SRPK2: variants seen among roughly 807,000 people sequenced by gnomAD.
SRPK2 encodes the protein SRSF protein kinase 2, also known as SFRS protein kinase 2.
A neutral mutation model predicts 90.8 loss-of-function variants in SRPK2; 21 were observed. That is an observed-to-expected ratio of 0.23 (90% CI 0.16 to 0.33). SRPK2 has a LOEUF of 0.33. SRPK2 is among the 10% of genes least tolerant of loss of function. The probability of loss-of-function intolerance (pLI) is 1.00; values close to 1 mark genes in which losing one functional copy is unlikely to be tolerated. For synonymous variants in SRPK2, 288 were observed against 311.1 expected (o/e 0.93, Z 0.78); for missense variants, 620 against 869.0 (o/e 0.71, Z 3.60).
chr7:105,115,424 C>CTAGA (rs1358333492), downstream of SRPK2: 2 of 152,196 alleles, frequency 1.3e-5, no homozygotes, highest in African/African-American at 4.8e-5. Flanking sequence ...CTGCCAACTT[C>CTAGA]TAGATAGCCA....
At chr7:105,374,435 T>TC (rs1820059814) in intron 2 of SRPK2, among the ~76,000 whole-genome samples, 2 of 152,168 alleles carry the variant, frequency 1.3e-5, no homozygotes, top group Admixed American at 6.6e-5. Context: ...TTTGCAGGAT[T>TC]CCACCTAGTC....
chr7:105,296,236 GAC>G (rs1468338243), intron 2 of SRPK2, among the ~76,000 whole-genome samples: 2 of 152,074 alleles, frequency 1.3e-5, no homozygotes, highest in South Asian at 4.1e-4. Context: ...CTCTATAAAA[GAC>G]ACACAATTTT....
downstream of SRPK2, chr7:105,115,305 TA>T (rs1400950497): frequency 6.6e-6 from 1 of 152,204 alleles, no homozygotes; most frequent in Non-Finnish European, 1.5e-5. Context: ...ACTAGTTATG[TA>T]TGGTCCAGGT....
intron 7 of SRPK2, among the ~76,000 whole-genome samples, chr7:105,155,014 A>G (rs1806291213): frequency 6.9e-6 from 1 of 145,604 alleles, no homozygotes; most frequent in South Asian, 2.2e-4. Context: ...GAATTTCGCT[A>G]TTGTCACCCA....
chr7:105,186,279 G>C (rs1793567529), intron 3 of SRPK2, among the ~76,000 whole-genome samples: 1 of 151,964 alleles, frequency 6.6e-6, no homozygotes, highest in African/African-American at 2.4e-5. Flanking sequence ...TTGGGCTTCC[G>C]GTATACCCAT....
At chr7:105,392,630 C>T (rs1161847922), upstream of SRPK2, among the ~76,000 whole-genome samples, 1 of 151,944 alleles carries the variant, frequency 6.6e-6, no homozygotes, top group Non-Finnish European at 1.5e-5. Flanking sequence ...TTTCCCACCT[C>T]AGCCTCCCAA....
At chr7:105,160,709 C>CT in intron 6 of SRPK2, 96 bp from the exon 7 acceptor site, 1 of 662,414 alleles carries the variant, frequency 1.5e-6, no homozygotes, top group Non-Finnish European at 2.7e-6. Flanking sequence ...GCACTTATTA[C>CT]TTTATAAAAT....
upstream of SRPK2, chr7:105,389,294 C>T (rs957914223): frequency 6.3e-6 from 8 of 1,278,550 alleles, no homozygotes; most frequent in Non-Finnish European, 8.1e-6. Flanking sequence ...TTGGCCGGCG[C>T]CTCCGCGGGT....
intron 7 of SRPK2, among the ~76,000 whole-genome samples, chr7:105,159,464 A>ACAAAAAAAAAAAAAAAAAAAAAAC (rs1230460659): frequency 6.4e-5 from 9 of 141,676 alleles, no homozygotes; most frequent in African/African-American, 2.6e-4. Context: ...AAAAAAAAAA[A>ACAAAAAAAAAAAAAAAAAAAAAAC]AAAAAAAAAC....
chr7:105,220,924 A>G (rs1798019860), intron 2 of SRPK2, among the ~76,000 whole-genome samples: 1 of 152,216 alleles, frequency 6.6e-6, no homozygotes, highest in Non-Finnish European at 1.5e-5. Context: ...AGAGCTATAC[A>G]ATAATTTTTT....
intron 2 of SRPK2, among the ~76,000 whole-genome samples, chr7:105,253,904 C>A (rs1165579346): frequency 1.8e-4 from 9 of 49,818 alleles, no homozygotes; most frequent in Non-Finnish European, 4.0e-4. Flanking sequence ...TAAAAAAAAA[C>A]AAACAAACAA....
At position 105,195,699 on chromosome 7, in the gene SRPK2, A is replaced by G. The variant is rs190590274; in HGVS notation, c.229+7929T>C. Among the ~76,000 whole-genome samples, 41 of 152,332 alleles carry G rather than the reference A, an allele frequency of 2.7e-4. No homozygotes were observed. In the Middle Eastern group the frequency reaches 0.01, roughly 38 times the overall value. On this transcript the variant is annotated intron_variant, in intron 3 of 15. Coordinates refer to ENST00000393651, the MANE Select transcript of SRPK2 (RefSeq NM_182692.3). ...CTGACAAAGTCCCTTTCAGTTTTTT[A>G]TAACATCTTTTCTGAGTCCTCTATT...
intron 2 of SRPK2, among the ~76,000 whole-genome samples, chr7:105,232,458 T>TAAAA (rs10533429): frequency 1.5e-5 from 2 of 132,100 alleles, no homozygotes; most frequent in Non-Finnish European, 1.6e-5. Flanking sequence ...AAACCTTATC[T>TAAAA]AAAAAAAAAA....
intron 13 of SRPK2, among the ~76,000 whole-genome samples, chr7:105,132,361 AC>A (rs1279472171): frequency 6.6e-6 from 1 of 152,248 alleles, no homozygotes; most frequent in East Asian, 1.9e-4. Context: ...GCAGAGGCTT[AC>A]CTGGAGGGGC....
chr7:105,340,128 C>G (rs1815577020), intron 2 of SRPK2, among the ~76,000 whole-genome samples: 1 of 150,576 alleles, frequency 6.6e-6, no homozygotes, highest in Admixed American at 6.6e-5. Flanking sequence ...GCTTCATCAT[C>G]ATTTTTTAAG....
intron 2 of SRPK2, among the ~76,000 whole-genome samples, chr7:105,386,156 T>G (rs1821563219): frequency 6.6e-6 from 1 of 151,030 alleles, no homozygotes; most frequent in Non-Finnish European, 1.5e-5. Flanking sequence ...CTACTAAAAA[T>G]ACAAAATATT....
intron 13 of SRPK2, among the ~76,000 whole-genome samples, chr7:105,128,881 A>G (rs1037995150): frequency 6.6e-6 from 1 of 152,020 alleles, no homozygotes; most frequent in African/African-American, 2.4e-5. Context: ...TCTTACTGCC[A>G]AAATATGTCA....
chr7:105,168,112 A>T lies in SRPK2; in HGVS notation c.339-17T>A. The T allele has an allele frequency of 6.3e-7, 1 of 1,579,604 alleles. No individual in the cohort carries two copies. Among genetic ancestry groups the T allele is most frequent in the African/African-American group, 1.3e-5 (1 of 74,166 alleles). On this transcript the variant is annotated splice_polypyrimidine_tract_variant and intron_variant, in intron 4 of 15. Coordinates refer to ENST00000393651, the MANE Select transcript of SRPK2 (RefSeq NM_182692.3). ...CTTTTCCCCCTAAAAGAAAAAACAA[A>T]AAAAGAGTCTATTTATCTATATTAT...
At chr7:105,392,494 G>T (rs58438680), upstream of SRPK2, among the ~76,000 whole-genome samples, 1 of 152,158 alleles carries the variant, frequency 6.6e-6, no homozygotes. Context: ...TTACCACACT[G>T]GTTGTAGAAC....
Sources: allele counts gnomAD v4.1 joint callset (sites outside exome capture counted in the v4.1 genomes callset), GRCh38; gene constraint gnomAD v4.1.1; transcripts MANE v1.5; gene names NCBI Gene and HGNC (gene_info 2026-07-23, HGNC 2026-07-21).